PAMR1: variants seen among roughly 807,000 people sequenced by gnomAD.
PAMR1 encodes the protein inactive serine protease PAMR1.
In PAMR1, 88 loss-of-function variants were observed where a neutral mutation model predicts 81.8. The ratio of observed to expected loss-of-function variants is 1.08; its 90% confidence interval spans 0.91 to 1.28. The LOEUF is 1.28. PAMR1 is among the 50% of genes most tolerant of loss of function. PAMR1 has a pLI of 0.00. For missense variants in PAMR1, 935 were observed against 919.7 expected, an observed-to-expected ratio of 1.02 and a Z score of -0.21; for synonymous variants, 336 against 345.3, an observed-to-expected ratio of 0.97 and a Z score of 0.30.
At chr11:35,528,672 A>G (rs1851426174), upstream of PAMR1, among the ~76,000 whole-genome samples, 1 of 152,160 alleles carries the variant, frequency 6.6e-6, no homozygotes, top group Non-Finnish European at 1.5e-5. Context: ...TGGGTAGGGA[A>G]GAAAGATTAT....
chr11:35,499,235 A>G (rs1850783947), intron 1 of PAMR1, among the ~76,000 whole-genome samples: 1 of 152,048 alleles, frequency 6.6e-6, no homozygotes, highest in Non-Finnish European at 1.5e-5. Flanking sequence ...ACAGCGAGGT[A>G]TCTAGACATG....
At chr11:35,465,329 G>A (rs368604703) in intron 6 of PAMR1, among the ~76,000 whole-genome samples, 2 of 151,966 alleles carry the variant, frequency 1.3e-5, no homozygotes, top group South Asian at 2.1e-4. Flanking sequence ...TAAAAAAAAA[G>A]AGCCTAGTCT....
In PAMR1 at chr11:35,487,718, C is replaced by T. The variant is rs140519821; in HGVS notation, c.379+4327G>A. Among the ~76,000 whole-genome samples, 1,339 of 152,266 alleles carry T rather than the reference C, an allele frequency of 8.8e-3. 13 individuals are homozygous for T. Among genetic ancestry groups the T allele is most frequent in the African/African-American group, 0.03 (1,236 of 41,516 alleles). ...TTCACTCCCTACTTCCCAGAGAAAACGGGAGAACTCACCAGCAGGAGGCAG... is the reference window on the plus strand; with the variant it reads ...TTCACTCCCTACTTCCCAGAGAAAATGGGAGAACTCACCAGCAGGAGGCAG... On this transcript the variant is annotated intron_variant, in intron 3 of 10. Transcript: ENST00000619888.
chr11:35,528,359 C>T (rs570619822), upstream of PAMR1, among the ~76,000 whole-genome samples: 217 of 152,322 alleles, frequency 1.4e-3, no homozygotes, highest in African/African-American at 4.9e-3. Flanking sequence ...CCAAAACTTA[C>T]TAACTAGTCT....
chr11:35,517,976 A>G (rs919343283), intron 1 of PAMR1, among the ~76,000 whole-genome samples: 3 of 152,230 alleles, frequency 2.0e-5, no homozygotes, highest in East Asian at 3.8e-4. Flanking sequence ...CAGAGTCTCT[A>G]TTGTACAGAA....
chr11:35,472,305 A>G (rs1850202248), intron 4 of PAMR1, among the ~76,000 whole-genome samples: 1 of 152,208 alleles, frequency 6.6e-6, no homozygotes, highest in Non-Finnish European at 1.5e-5. Context: ...GAAGCTGAAG[A>G]GATAGTGCAA....
intron 6 of PAMR1, among the ~76,000 whole-genome samples, chr11:35,464,508 C>T (rs960134942): frequency 7.9e-5 from 12 of 152,156 alleles, no homozygotes; most frequent in Non-Finnish European, 1.3e-4. Flanking sequence ...CTGGCCTCTA[C>T]CCACTAGATG....
At chr11:35,441,417 G>T in intron 7 of PAMR1, 64 bp downstream of exon 7, 1 of 1,165,216 alleles carries the variant, frequency 8.6e-7, no homozygotes. Flanking sequence ...ACATGCAAAG[G>T]AGCTACCAAA....
chr11:35,451,719 A>G (rs1432818395), intron 6 of PAMR1, among the ~76,000 whole-genome samples: 1 of 152,138 alleles, frequency 6.6e-6, no homozygotes, highest in Non-Finnish European at 1.5e-5. Context: ...CAAATCCCCA[A>G]TATCATGGTA....
chr11:35,507,038 AC>A (rs1198317568), intron 1 of PAMR1, among the ~76,000 whole-genome samples: 1 of 50,702 alleles, frequency 2.0e-5, no homozygotes, highest in African/African-American at 1.1e-4. Flanking sequence ...AAATAGCCTG[AC>A]TTTTTTTTTT....
At chr11:35,478,570 A>C (rs1001217458) in intron 3 of PAMR1, among the ~76,000 whole-genome samples, 6 of 152,076 alleles carry the variant, frequency 3.9e-5, no homozygotes, top group Admixed American at 2.0e-4. Context: ...CCCTCCCCAC[A>C]TCAAGGAATG....
intron 1 of PAMR1, among the ~76,000 whole-genome samples, chr11:35,499,994 T>C (rs1850800817): frequency 6.6e-6 from 1 of 152,162 alleles, no homozygotes; most frequent in Non-Finnish European, 1.5e-5. Flanking sequence ...AGTGATGTAC[T>C]TTGAAGATGG....
At chr11:35,441,180 T>C (rs1856156605) in intron 7 of PAMR1, among the ~76,000 whole-genome samples, 1 of 152,212 alleles carries the variant, frequency 6.6e-6, no homozygotes, top group African/African-American at 2.4e-5. Context: ...CTCAATTCTA[T>C]ACTTGGATTT....
chr11:35,503,426 C>T (rs534331663), intron 1 of PAMR1, among the ~76,000 whole-genome samples: 1 of 151,958 alleles, frequency 6.6e-6, no homozygotes, highest in East Asian at 1.9e-4. Flanking sequence ...AGATTCAGTG[C>T]TTTGAGTAGT....
At chr11:35,446,328 C>G (rs1856292188) in intron 6 of PAMR1, among the ~76,000 whole-genome samples, 1 of 152,116 alleles carries the variant, frequency 6.6e-6, no homozygotes, top group Admixed American at 6.6e-5. Flanking sequence ...TTTTGTGTCT[C>G]TATCTCCTTC....
At chr11:35,459,372 C>A (rs1001540805) in intron 6 of PAMR1, among the ~76,000 whole-genome samples, 1 of 151,560 alleles carries the variant, frequency 6.6e-6, no homozygotes, top group African/African-American at 2.4e-5. Context: ...AGATGGGTAG[C>A]CTATGTATGT....
chr11:35,492,115 C>T lies in PAMR1; in HGVS notation c.309G>A (p.Leu103=), dbSNP rs199927253. The T allele has an allele frequency of 6.2e-7, 1 of 1,613,974 alleles. No homozygotes were observed. Among genetic ancestry groups the T allele is most frequent in the Non-Finnish European group, 8.5e-7 (1 of 1,179,982 alleles). The change falls in exon 3 of 11, where the codon TTG becomes TTA. Residue 103 remains leucine, a synonymous_variant. Transcript: ENST00000619888. ...AGAACCCCTTCACATAGAAGTCATC[C>T]AAGGTACCCCCCCATGAGCCATTTC... ...SCRNGSWGGT[L]DDFYVKGFYC...
upstream of PAMR1, chr11:35,529,909 C>G (rs1353091721): frequency 6.6e-6 from 1 of 152,210 alleles, no homozygotes; most frequent in African/African-American, 2.4e-5. Flanking sequence ...ATAATACCCA[C>G]TAATTTTCAC....
At chr11:35,462,548 C>A (rs1370435881) in intron 6 of PAMR1, among the ~76,000 whole-genome samples, 1 of 152,074 alleles carries the variant, frequency 6.6e-6, no homozygotes, top group Non-Finnish European at 1.5e-5. Flanking sequence ...CATAATTGTC[C>A]AGATTGTAGA....
Sources: gnomAD v4.1 joint callset for allele counts (sites outside exome capture counted in the v4.1 genomes callset) on GRCh38, gnomAD v4.1.1 for gene constraint, MANE v1.5 for transcripts, NCBI Gene and HGNC (gene_info 2026-07-23, HGNC 2026-07-21) for gene names.